DMD: variants seen among roughly 807,000 people sequenced by gnomAD.
The protein encoded by DMD is dystrophin, also known as mutant dystrophin.
Under a neutral mutation model 330.1 loss-of-function variants are expected in DMD, and 63 were observed. The ratio of observed to expected loss-of-function variants is 0.19; its 90% confidence interval spans 0.16 to 0.24. DMD has a LOEUF of 0.24. Ranked by LOEUF, DMD falls within the 10% of genes least tolerant of loss-of-function variation. The pLI is 1.00. For synonymous variants in DMD, 1,223 were observed against 959.8 expected (o/e 1.27, Z -5.07); for missense variants, 3,344 against 2,684.1 (o/e 1.25, Z -5.43).
intron 17 of DMD, among the ~76,000 whole-genome samples, chrX:32,518,677 A>G (rs1432200335): frequency 9.0e-6 from 1 of 110,865 alleles, no homozygotes; most frequent in Admixed American, 9.7e-5. Flanking sequence ...GAAGACAACA[A>G]TTATATAAGA....
At chrX:32,129,733 GA>G (rs2096680611) in intron 44 of DMD, among the ~76,000 whole-genome samples, 2 of 106,221 alleles carry the variant, frequency 1.9e-5, no homozygotes, top group African/African-American at 6.9e-5. Context: ...GGGAGGGAGA[GA>G]GAGAGAGAGA....
intron 1 of DMD, among the ~76,000 whole-genome samples, chrX:33,284,736 T>C (rs200041845): frequency 2.1e-5 from 1 of 47,091 alleles, no homozygotes; most frequent in African/African-American, 6.1e-5. Flanking sequence ...AAATCATCTT[T>C]TTTTTTTTGC....
chrX:33,179,712 A>C (rs916847096), intron 1 of DMD, among the ~76,000 whole-genome samples: 2 of 110,814 alleles, frequency 1.8e-5, no homozygotes, highest in African/African-American at 6.6e-5. Context: ...AAAAAGAAAG[A>C]AAAGAAATTG....
chrX:32,652,278 C>A (rs2060212948), intron 9 of DMD, among the ~76,000 whole-genome samples: 1 of 65,077 alleles, frequency 1.5e-5, no homozygotes, highest in Non-Finnish European at 2.7e-5. Context: ...TAATACTATC[C>A]CTCCCCCCTC....
At position 31,295,983 on chromosome X, in the gene DMD, CTTTT is replaced by C. The variant is rs150166970; in HGVS notation, c.9224+27611_9224+27614del. Among the ~76,000 whole-genome samples, 809 of 92,806 alleles carry C rather than the reference CTTTT, an allele frequency of 8.7e-3. 5 individuals carry two copies. Among genetic ancestry groups the C allele is most frequent in the East Asian group, 0.012 (37 of 2,992 alleles). 80.6% of individuals were successfully genotyped at this position (92,806 alleles called of 115,157 possible). On this transcript the variant is annotated intron_variant, in intron 62 of 78. Coordinates refer to ENST00000357033, the MANE Select transcript of DMD (RefSeq NM_004006.3). ...ATGAAAGAAACAATCCAAAAAGTGA[CTTTT>C]TTTTTTTTTTTTTTTTACAATGGGA...
intron 33 of DMD, among the ~76,000 whole-genome samples, chrX:32,384,414 G>A (rs1324282932): frequency 3.7e-5 from 4 of 108,477 alleles, no homozygotes; most frequent in Non-Finnish European, 7.7e-5. Context: ...CAGTTGAAAT[G>A]TATTTTATTT....
chrX:31,557,500 C>T (rs1376385918), intron 55 of DMD, among the ~76,000 whole-genome samples: 1 of 111,738 alleles, frequency 8.9e-6, no homozygotes, highest in Admixed American at 9.5e-5. Flanking sequence ...AATATGTTGT[C>T]GTGTGACTAA....
intron 60 of DMD, among the ~76,000 whole-genome samples, chrX:31,400,995 A>G (rs1443479692): frequency 8.9e-6 from 1 of 112,047 alleles, no homozygotes; most frequent in Non-Finnish European, 1.9e-5. Flanking sequence ...TGAAACAACC[A>G]GAACTGCTCC....
intron 2 of DMD, among the ~76,000 whole-genome samples, chrX:32,929,169 TA>T (rs1272032964): frequency 9.0e-6 from 1 of 110,868 alleles, no homozygotes; most frequent in African/African-American, 3.3e-5. Flanking sequence ...TTGGTATATT[TA>T]ATTTTGAGAC....
At chrX:32,935,879 T>C (rs2089983589) in intron 2 of DMD, among the ~76,000 whole-genome samples, 1 of 111,575 alleles carries the variant, frequency 9.0e-6, no homozygotes, top group Admixed American at 9.6e-5. Context: ...CTGCCTATTA[T>C]GAATAATCCA....
intron 2 of DMD, among the ~76,000 whole-genome samples, chrX:32,972,569 A>C (rs1336860815): frequency 8.9e-6 from 1 of 112,045 alleles, no homozygotes; most frequent in Non-Finnish European, 1.9e-5. Context: ...ATTGAAAAAA[A>C]TTGATCAACA....
intron 48 of DMD, among the ~76,000 whole-genome samples, chrX:31,868,641 T>A (rs1173541426): frequency 9.0e-6 from 1 of 111,693 alleles, no homozygotes; most frequent in East Asian, 2.8e-4. Flanking sequence ...TCCCGGTACC[T>A]GGCTTACAGA....
intron 7 of DMD, among the ~76,000 whole-genome samples, chrX:32,723,719 A>C (rs905122029): frequency 1.2e-4 from 13 of 111,078 alleles, no homozygotes; most frequent in African/African-American, 4.2e-4. Context: ...ATTTGGTTGA[A>C]TTCAGTAATC....
At chrX:32,824,819 T>C (rs1240423323) in intron 4 of DMD, among the ~76,000 whole-genome samples, 3 of 112,059 alleles carry the variant, frequency 2.7e-5, no homozygotes, top group African/African-American at 9.7e-5. Flanking sequence ...TTATGAATGT[T>C]GACATCTTGG....
chrX:31,380,537 C>T (rs1023273186), intron 60 of DMD, among the ~76,000 whole-genome samples: 6 of 111,300 alleles, frequency 5.4e-5, no homozygotes, highest in East Asian at 5.6e-4. Context: ...TGTTATCACT[C>T]GCCTGCTACA....
At chrX:31,147,626 ATGC>A in intron 74 of DMD, 108 bp from the exon 75 acceptor site, 2 of 583,465 alleles carry the variant, frequency 3.4e-6, no homozygotes, top group Non-Finnish European at 5.4e-6. Flanking sequence ...TGGTAGATAG[ATGC>A]ATCTGACTGC....
chrX:32,904,864 C>G (rs1293137482), intron 2 of DMD, among the ~76,000 whole-genome samples: 1 of 112,491 alleles, frequency 8.9e-6, no homozygotes, highest in South Asian at 3.7e-4. Flanking sequence ...GCATGAGCCA[C>G]TGCACTCAGC....
chrX:33,320,271 T>G (rs896046048), intron 1 of DMD, among the ~76,000 whole-genome samples: 1 of 111,679 alleles, frequency 9.0e-6, no homozygotes, highest in East Asian at 2.8e-4. Flanking sequence ...GTTTTGTTTT[T>G]ATCATGATGT....
At chrX:32,839,962 A>G (rs1780927753) in intron 4 of DMD, among the ~76,000 whole-genome samples, 1 of 111,349 alleles carries the variant, frequency 9.0e-6, no homozygotes, top group Admixed American at 9.6e-5. Context: ...ACCCGCCTGG[A>G]CCACCCAAAG....
Sources: gnomAD v4.1 joint callset for allele counts (sites outside exome capture counted in the v4.1 genomes callset) on GRCh38, gnomAD v4.1.1 for gene constraint, MANE v1.5 for transcripts, NCBI Gene and HGNC (gene_info 2026-07-23, HGNC 2026-07-21) for gene names.